ANLN: variants seen among roughly 807,000 people sequenced by gnomAD.
ANLN encodes the protein anillin, actin binding protein.
Under a neutral mutation model 135.1 loss-of-function variants are expected in ANLN, and 59 were observed. The observed-to-expected ratio is 0.44, with a 90% CI of 0.35 to 0.54. The LOEUF (loss-of-function observed/expected upper bound fraction) is 0.54, where lower values mean the gene tolerates loss of function less well. Ranked by LOEUF, ANLN falls within the 20% of genes least tolerant of loss-of-function variation. The probability of loss-of-function intolerance (pLI) is 0.00; values close to 1 mark genes in which losing one functional copy is unlikely to be tolerated. For missense variants in ANLN, 1,182 were observed against 1,340.0 expected (o/e 0.88, Z 1.84); for synonymous variants, 406 against 456.4 (o/e 0.89, Z 1.41).
intron 20 of ANLN, among the ~76,000 whole-genome samples, chr7:36,434,896 T>C (rs1225337877): frequency 1.3e-5 from 2 of 152,112 alleles, no homozygotes; most frequent in African/African-American, 4.8e-5. Context: ...GTTTTTGTTG[T>C]GTAAATGGAC....
At chr7:36,428,776 ATTTTT>A (rs35428425) in intron 20 of ANLN, among the ~76,000 whole-genome samples, 1 of 114,626 alleles carries the variant, frequency 8.7e-6, no homozygotes, top group Non-Finnish European at 1.7e-5. Context: ...ATAAAAGCAG[ATTTTT>A]TTTTTTTTTT....
intron 20 of ANLN, among the ~76,000 whole-genome samples, chr7:36,429,798 A>C (rs1788239835): frequency 6.6e-6 from 1 of 152,144 alleles, no homozygotes; most frequent in Non-Finnish European, 1.5e-5. Flanking sequence ...TCTTTTAAAA[A>C]CTTTTTTTGG....
intron 23 of ANLN, among the ~76,000 whole-genome samples, chr7:36,451,221 G>A (rs1562828716): frequency 1.3e-5 from 2 of 152,134 alleles, no homozygotes; most frequent in Admixed American, 6.5e-5. Context: ...TTGGACTTAG[G>A]CCTTTTACTT....
chr7:36,417,859 T>C (rs1008779156), intron 9 of ANLN, among the ~76,000 whole-genome samples: 21 of 151,920 alleles, frequency 1.4e-4, no homozygotes, highest in African/African-American at 5.1e-4. Context: ...GTATTTTTAG[T>C]AGAGAGGGGG....
At chr7:36,418,854 A>G (rs529354652) in intron 9 of ANLN, among the ~76,000 whole-genome samples, 1 of 151,970 alleles carries the variant, frequency 6.6e-6, no homozygotes, top group South Asian at 2.1e-4. Context: ...CCTGGGTTCA[A>G]GTGATTCTCC....
In ANLN at chr7:36,407,273, G is replaced by A. The variant is rs147602171; in HGVS notation, c.874-461G>A. 3.2e-3 allele frequency among the ~76,000 whole-genome samples: 486 copies of A among 152,092 alleles called. 2 individuals carry two copies. The highest frequency in any genetic ancestry group is 5.2e-3 in the Non-Finnish European group (353 of 67,976). On this transcript the variant is annotated intron_variant, in intron 4 of 23. Coordinates refer to ENST00000265748, the MANE Select transcript of ANLN (RefSeq NM_018685.5). The stretch of plus-strand genomic sequence containing the variant: ...ATAGGAAAAAAAGGTTATTTGGAGG[G>A]CTAAATAAGAGTCATAAAGCACTTA...
At position 36,447,676 on chromosome 7, in the gene ANLN, GCTA is replaced by G. The variant is rs1789070314; in HGVS notation, c.3079-1985_3079-1983del. 2.6e-5 allele frequency among the ~76,000 whole-genome samples: 4 copies of G among 152,156 alleles called. No individual in the cohort carries two copies. In the South Asian group the frequency reaches 8.3e-4, roughly 32 times the overall value. On this transcript the variant is annotated intron_variant, in intron 22 of 23. Coordinates refer to ENST00000265748, the MANE Select transcript of ANLN (RefSeq NM_018685.5). ...CTCAGTTGATCCTATAACTCAGAAC[GCTA>G]CTAAGTGACTACTGAGCAGGTAGCA...
Position 36,410,555 on chromosome 7 carries a change from C to A in ANLN, c.1138C>A (p.Arg380Ser). The stretch of plus-strand genomic sequence containing the variant: ...GCCTTTCCTGGAACGCTTTGGAGAG[C>A]GTTGTCAAGAACATAGCAAAGAAAG... ...IKPFLERFGE[R>S]CQEHSKESPA... The change falls in exon 6 of 24, where the codon CGT becomes AGT. Residue 380 changes from arginine (R) to serine (S), a missense_variant. Around this residue, in one of 3 missense-constraint regions of ANLN, gnomAD observed 1,022 missense variants for 1,134.0 expected, o/e 0.90. Coordinates refer to ENST00000265748, the MANE Select transcript of ANLN (RefSeq NM_018685.5). The A allele has an allele frequency of 6.2e-7, 1 of 1,613,442 alleles. No individual in the cohort carries two copies. The highest frequency in any genetic ancestry group is 8.5e-7 in the Non-Finnish European group (1 of 1,179,728).
intron 21 of ANLN, among the ~76,000 whole-genome samples, chr7:36,439,582 G>A (rs969277002): frequency 6.6e-6 from 1 of 152,198 alleles, no homozygotes; most frequent in Non-Finnish European, 1.5e-5. Flanking sequence ...TCAATTGGTG[G>A]GACACCAGGT....
chr7:36,444,442 T>C (rs1490680196), intron 22 of ANLN, among the ~76,000 whole-genome samples: 1 of 152,190 alleles, frequency 6.6e-6, no homozygotes, highest in Non-Finnish European at 1.5e-5. Flanking sequence ...GGATGTTTAA[T>C]TATATTTTTT....
chr7:36,414,233 A>C (rs1787547924), intron 7 of ANLN, among the ~76,000 whole-genome samples: 1 of 152,138 alleles, frequency 6.6e-6, no homozygotes, highest in Admixed American at 6.6e-5. Flanking sequence ...GGCATTTCTT[A>C]GTTTGGTCCT....
chr7:36,419,189 C>T, intron 9 of ANLN, 55 bp from the exon 10 acceptor site: 1 of 1,293,626 alleles, frequency 7.7e-7, no homozygotes, highest in Non-Finnish European at 1.1e-6. Flanking sequence ...CTTTGTTATG[C>T]CTTTAATTCT....
rs746450937 is a variant in ANLN at position 36,426,955 on chromosome 7, G to C, written c.2810G>C (p.Ser937Thr). 6.2e-7 allele frequency: 1 copy of C among 1,613,200 alleles called. No homozygotes were observed. The highest frequency in any genetic ancestry group is 2.2e-5 in the East Asian group (1 of 44,848). ...SPGGLSAVRT[S>T]NFALVGSYTL... ...GGAGGTCTTAGTGCTGTGCGAACCA[G>C]CAACTTCGCCCTTGTTGGATCTTAC... The change falls in exon 20 of 24, where the codon AGC becomes ACC. Residue 937 changes from serine to threonine, a missense_variant. Physicochemically the swap from Ser to Thr is moderately conservative, Grantham distance 58. This residue lies in a region of ANLN where 1,022 missense variants were observed against 1,134.0 expected (regional missense o/e 0.90). Transcript: ENST00000265748.
intron 1 of ANLN, among the ~76,000 whole-genome samples, chr7:36,392,159 G>T (rs1338875965): frequency 1.3e-5 from 2 of 152,124 alleles, no homozygotes; most frequent in Non-Finnish European, 2.9e-5. Context: ...ATACTTCACA[G>T]AAGCATATTT....
chr7:36,392,024 T>C (rs1583584820), intron 1 of ANLN, among the ~76,000 whole-genome samples: 1 of 152,128 alleles, frequency 6.6e-6, no homozygotes, highest in South Asian at 2.1e-4. Flanking sequence ...CGTCAAGAGT[T>C]TGAAGCTCTA....
chr7:36,442,482 C>G (rs113372237), intron 21 of ANLN, among the ~76,000 whole-genome samples: 2 of 152,106 alleles, frequency 1.3e-5, no homozygotes, highest in Non-Finnish European at 2.9e-5. Context: ...TGGCAGGGAC[C>G]GTATGGCCCA....
chr7:36,404,570 T>A (rs1488200410), intron 3 of ANLN, among the ~76,000 whole-genome samples: 2 of 152,252 alleles, frequency 1.3e-5, no homozygotes, highest in East Asian at 3.8e-4. Context: ...GATTCATTTT[T>A]ACCATAGATC....
intron 20 of ANLN, 138 bp from the exon 21 acceptor site, chr7:36,439,066 A>G: frequency 5.9e-6 from 4 of 673,448 alleles, no homozygotes; most frequent in South Asian, 5.2e-5. Flanking sequence ...CTTTTTGGCC[A>G]TGTCTTTTAT....
intron 4 of ANLN, among the ~76,000 whole-genome samples, chr7:36,406,772 T>G (rs1356511019): frequency 2.0e-5 from 3 of 152,178 alleles, no homozygotes; most frequent in Non-Finnish European, 2.9e-5. Flanking sequence ...AATTAGCAGT[T>G]GACAGCTGAA....
Sources: gnomAD v4.1 joint callset for allele counts (sites outside exome capture counted in the v4.1 genomes callset) on GRCh38, gnomAD v4.1.1 for gene constraint, gnomAD v4.1.1 regional missense constraint, MANE v1.5 for transcripts, NCBI Gene and HGNC (gene_info 2026-07-23, HGNC 2026-07-21) for gene names.